The following GRIA1 variants were observed in gnomAD, a reference collection of about 807,000 sequenced individuals.
GRIA1 encodes glutamate ionotropic receptor AMPA type subunit 1.
Under a neutral mutation model 99.2 loss-of-function variants are expected in GRIA1, and 31 were observed. The ratio of observed to expected loss-of-function variants is 0.31; its 90% CI spans 0.23 to 0.42. The LOEUF is 0.42. Among genes scored for constraint, GRIA1 ranks in the 10% least tolerant of loss-of-function variants. The probability of loss-of-function intolerance (pLI) is 1.00; values close to 1 mark genes in which losing one functional copy is unlikely to be tolerated. For missense variants in GRIA1, 782 were observed against 1,157.5 expected, an observed-to-expected ratio of 0.68 and a Z score of 4.71; for synonymous variants, 438 against 432.4, an observed-to-expected ratio of 1.01 and a Z score of -0.16.
intron 11 of GRIA1, among the ~76,000 whole-genome samples, chr5:153,742,031 AC>A (rs771986708): frequency 6.6e-6 from 1 of 152,132 alleles, no homozygotes; most frequent in Non-Finnish European, 1.5e-5. Context: ...ATAGCATATC[AC>A]AGCATACAGA....
intron 11 of GRIA1, among the ~76,000 whole-genome samples, chr5:153,758,092 A>G (rs1258801227): frequency 6.6e-6 from 1 of 152,128 alleles, no homozygotes; most frequent in Non-Finnish European, 1.5e-5. Context: ...ATAAAAGCAT[A>G]CTACTAGTGA....
At chr5:153,516,519 A>G (rs1237394803) in intron 2 of GRIA1, among the ~76,000 whole-genome samples, 5 of 152,060 alleles carry the variant, frequency 3.3e-5, no homozygotes, top group Non-Finnish European at 5.9e-5. Flanking sequence ...CAGCATTCTA[A>G]TGTTGTAAAA....
chr5:153,705,568 G>T (rs1758828220), intron 10 of GRIA1, 129 bp from the exon 11 acceptor site: 2 of 1,238,628 alleles, frequency 1.6e-6, no homozygotes, highest in Non-Finnish European at 2.1e-6. Flanking sequence ...GACTTCAAAG[G>T]TTCTTTCCCA....
intron 4 of GRIA1, among the ~76,000 whole-genome samples, chr5:153,654,788 C>T (rs1444498716): frequency 5.9e-5 from 9 of 152,066 alleles, no homozygotes; most frequent in Non-Finnish European, 1.3e-4. Context: ...GGGAGAGAGA[C>T]ACCGAGCAGA....
intron 2 of GRIA1, among the ~76,000 whole-genome samples, chr5:153,583,514 C>T (rs1372060826): frequency 1.3e-5 from 2 of 152,182 alleles, no homozygotes; most frequent in African/African-American, 2.4e-5. Flanking sequence ...TCTGTCACCA[C>T]ATGGCTCTTT....
chr5:153,496,560 C>T (rs1034053067), intron 2 of GRIA1, among the ~76,000 whole-genome samples: 1 of 152,108 alleles, frequency 6.6e-6, no homozygotes. Context: ...GGGTACTGGG[C>T]AAGTTAGGTG....
At chr5:153,774,506 T>C (rs936413441) in intron 13 of GRIA1, among the ~76,000 whole-genome samples, 2 of 152,206 alleles carry the variant, frequency 1.3e-5, no homozygotes, top group Non-Finnish European at 2.9e-5. Flanking sequence ...TATTATAAAC[T>C]TCTCTTCAGC....
intron 5 of GRIA1, among the ~76,000 whole-genome samples, chr5:153,671,007 A>G (rs1252861290): frequency 6.6e-6 from 1 of 152,188 alleles, no homozygotes; most frequent in Non-Finnish European, 1.5e-5. Flanking sequence ...CATGACCACA[A>G]GTTATTTCCT....
intron 2 of GRIA1, among the ~76,000 whole-genome samples, chr5:153,546,803 C>A (rs1759656235): frequency 6.6e-6 from 1 of 152,180 alleles, no homozygotes. Flanking sequence ...AGCACTTGGA[C>A]CAGTGCCTTA....
At chr5:153,778,665 ACACAC>A (rs1561853545) in intron 13 of GRIA1, among the ~76,000 whole-genome samples, 1 of 151,532 alleles carries the variant, frequency 6.6e-6, no homozygotes, top group Admixed American at 6.6e-5. Context: ...ACACACACAC[ACACAC>A]ACACACACAC....
intron 8 of GRIA1, among the ~76,000 whole-genome samples, chr5:153,689,422 T>C (rs1757578469): frequency 6.6e-6 from 1 of 152,210 alleles, no homozygotes; most frequent in African/African-American, 2.4e-5. Flanking sequence ...CATTTCTACA[T>C]TGTATATGAG....
chr5:153,766,398 A>G (rs561966932), intron 12 of GRIA1, among the ~76,000 whole-genome samples: 1 of 152,326 alleles, frequency 6.6e-6, no homozygotes, highest in Admixed American at 6.5e-5. Flanking sequence ...CAGTTAGGGA[A>G]CCATCTAATT....
At chr5:153,674,887 C>T (rs531485413) in intron 6 of GRIA1, among the ~76,000 whole-genome samples, 1 of 152,274 alleles carries the variant, frequency 6.6e-6, no homozygotes, top group South Asian at 2.1e-4. Flanking sequence ...GTGAACAAAA[C>T]TTAGGAGTCA....
chr5:153,811,238 G>GA lies in GRIA1; in HGVS notation c.*14dup. On this transcript the variant is annotated 3_prime_UTR_variant, in exon 16 of 16. Coordinates refer to ENST00000285900, the MANE Select transcript of GRIA1 (RefSeq NM_000827.4). ...CACGGGATTGTAACTGGAGCAGATG[G>GA]AGACCCCTTGGGGAGCAGGCTCGGG... The GA allele has an allele frequency of 1.1e-5, 17 of 1,607,626 alleles. No individual in the cohort carries two copies. Among genetic ancestry groups the GA allele is most frequent in the Non-Finnish European group, 1.4e-5 (17 of 1,174,222 alleles).
chr5:153,684,887 G>A (rs1052542362), intron 7 of GRIA1, among the ~76,000 whole-genome samples: 5 of 152,126 alleles, frequency 3.3e-5, no homozygotes, highest in Non-Finnish European at 5.9e-5. Flanking sequence ...CTCTGGGCCT[G>A]TTGTGACCTC....
chr5:153,797,590 T>C (rs1321941302), intron 14 of GRIA1, among the ~76,000 whole-genome samples: 2 of 152,154 alleles, frequency 1.3e-5, no homozygotes, highest in Non-Finnish European at 2.9e-5. Context: ...AGACTGATGC[T>C]TCTGTTCTGA....
chr5:153,566,133 A>G (rs1444402296), intron 2 of GRIA1, among the ~76,000 whole-genome samples: 2 of 151,740 alleles, frequency 1.3e-5, no homozygotes, highest in Non-Finnish European at 2.9e-5. Context: ...CCTTACCAAC[A>G]CTTGTTATTG....
At chr5:153,514,468 C>T (rs1756418648) in intron 2 of GRIA1, among the ~76,000 whole-genome samples, 1 of 152,170 alleles carries the variant, frequency 6.6e-6, no homozygotes, top group Non-Finnish European at 1.5e-5. Flanking sequence ...CTTGTGTGCT[C>T]TTGGCACCTT....
chr5:153,691,376 T>C (rs891623043), intron 8 of GRIA1, among the ~76,000 whole-genome samples: 1 of 152,222 alleles, frequency 6.6e-6, no homozygotes, highest in East Asian at 1.9e-4. Flanking sequence ...ATTGTTGATT[T>C]AACCGTCTTT....
Sources: gnomAD v4.1 joint callset for allele counts (sites outside exome capture counted in the v4.1 genomes callset) on GRCh38, gnomAD v4.1.1 for gene constraint, MANE v1.5 for transcripts, NCBI Gene and HGNC (gene_info 2026-07-23, HGNC 2026-07-21) for gene names.